Variants in TBCE observed in about 807,000 individuals in gnomAD.
TBCE encodes tubulin-specific chaperone E.
Under a neutral mutation model 77.0 loss-of-function variants are expected in TBCE, and 53 were observed. That is an observed-to-expected ratio of 0.69 (90% confidence interval 0.55 to 0.87). The LOEUF is 0.87. Among genes scored for constraint, TBCE ranks in the 40% least tolerant of loss-of-function variants. The pLI, the probability that TBCE is intolerant of heterozygous loss-of-function variation, is 0.00. For synonymous variants in TBCE, 235 were observed against 241.3 expected (o/e 0.97, Z 0.24); for missense variants, 624 against 622.4 (o/e 1.00, Z -0.03).
chr1:235,424,322 C>CTT (rs1160280902), intron 5 of TBCE, among the ~76,000 whole-genome samples: 41 of 123,734 alleles, frequency 3.3e-4, no homozygotes, highest in African/African-American at 4.5e-4. Flanking sequence ...TCTTAGAGCT[C>CTT]TTTTTTTTTT....
intron 2 of TBCE, among the ~76,000 whole-genome samples, chr1:235,395,496 C>T (rs551981251): frequency 1.8e-3 from 279 of 151,738 alleles, no homozygotes; most frequent in African/African-American, 4.3e-3. Context: ...CCACTCTCTC[C>T]CCCTGCCCAG....
In TBCE at chr1:235,450,515, A is replaced by G. The variant is rs1472053195; in HGVS notation, c.*1753A>G. ...GGGGTGGCACCTCCTGATTTGGGAA[A>G]GCACCAGGTCCCACAGTCCTGTGGC... On this transcript the variant is annotated 3_prime_UTR_variant, in exon 17 of 17. Transcript: ENST00000642610. 3 of 682,936 alleles carry G rather than the reference A, an allele frequency of 4.4e-6. No individual in the cohort carries two copies. The highest frequency in any genetic ancestry group is 3.6e-5 in the African/African-American group (2 of 55,532). The allele number at this position is 682,936 out of a possible 1,614,324, so 42.3% of individuals were successfully genotyped here. A position where few individuals can be genotyped will look rare whatever the true frequency, so the allele number is the denominator to read the frequency against.
intron 15 of TBCE, 149 bp from the exon 16 acceptor site, chr1:235,448,199 AG>A: frequency 1.4e-6 from 1 of 693,486 alleles, no homozygotes; most frequent in Admixed American, 2.3e-5. Context: ...GACTTACTTA[AG>A]TAAGTAAGTA....
At chr1:235,434,687 C>T (rs770682203) in intron 8 of TBCE, among the ~76,000 whole-genome samples, 1 of 151,942 alleles carries the variant, frequency 6.6e-6, no homozygotes, top group Non-Finnish European at 1.5e-5. Context: ...TAGGTGCCTG[C>T]CACCATGCCC....
rs769980322 is a variant in TBCE at position 235,419,635 on chromosome 1, G to A, written c.460+74G>A. The stretch of plus-strand genomic sequence containing the variant: ...ATACCTGTGCCAGAGACTGCTAATT[G>A]CCTACCCATTGTCCAGTCTTGACAA... On this transcript the variant is annotated intron_variant, in intron 5 of 16. Coordinates refer to ENST00000642610, the MANE Select transcript of TBCE (RefSeq NM_003193.5). 3.6e-5 allele frequency: 58 copies of A among 1,592,434 alleles called. 1 individual carries two copies. The highest frequency in any genetic ancestry group is 8.6e-6 in the Non-Finnish European group (10 of 1,166,106).
intron 2 of TBCE, among the ~76,000 whole-genome samples, chr1:235,382,376 C>G (rs1000137041): frequency 1.3e-5 from 2 of 152,082 alleles, no homozygotes; most frequent in Non-Finnish European, 2.9e-5. Flanking sequence ...TCTAGATCCC[C>G]AAGGAATCGC....
chr1:235,430,606 A>G, intron 6 of TBCE, 99 bp from the exon 7 acceptor site: 2 of 796,294 alleles, frequency 2.5e-6, no homozygotes, highest in Non-Finnish European at 4.1e-6. Flanking sequence ...AAACAAATCA[A>G]ACCCCTTAGA....
rs774474110 is a variant in TBCE, at chr1:235,401,507, C to T, written c.105C>T (p.Pro35=). 1.2e-6 allele frequency: 2 copies of T among 1,613,672 alleles called. No individual in the cohort carries two copies. Among genetic ancestry groups the T allele is most frequent in the Non-Finnish European group, 1.7e-6 (2 of 1,179,722 alleles). Residue 35 remains proline, a synonymous_variant, in exon 3 of 17, where the codon CCC becomes CCT. Transcript: ENST00000642610. Reference sequence around the variant, plus strand: ...TGGTTTTTCTTGTTCTGCTAGGACCCTGGTTAGGAGTAGAATGGGACAATC... The same window carrying T: ...TGGTTTTTCTTGTTCTGCTAGGACCTTGGTTAGGAGTAGAATGGGACAATC... The part of the protein sequence containing the change: ...FAGVVPPVAG[P]WLGVEWDNPE...
intron 3 of TBCE, among the ~76,000 whole-genome samples, chr1:235,409,420 A>G (rs1679646221): frequency 6.6e-6 from 1 of 152,146 alleles, no homozygotes; most frequent in African/African-American, 2.4e-5. Flanking sequence ...AGTGGAGTCT[A>G]TGTAAATTAT....
intron 13 of TBCE, 50 bp from the exon 14 acceptor site, chr1:235,441,764 C>T (rs764071956): frequency 6.5e-6 from 10 of 1,541,240 alleles, no homozygotes; most frequent in African/African-American, 1.4e-5. Context: ...TTTGTTTTTA[C>T]TTATAGTGGC....
intron 2 of TBCE, among the ~76,000 whole-genome samples, chr1:235,395,751 G>T (rs1037250750): frequency 1.3e-5 from 2 of 151,808 alleles, no homozygotes; most frequent in African/African-American, 2.4e-5. Context: ...TGCCATGTTG[G>T]CCAGGCTGCT....
intron 15 of TBCE, among the ~76,000 whole-genome samples, chr1:235,445,081 C>G (rs1682154443): frequency 6.6e-6 from 1 of 152,242 alleles, no homozygotes; most frequent in African/African-American, 2.4e-5. Flanking sequence ...GGGTAGCTAG[C>G]AGAGATTCGA....
At chr1:235,439,459 G>A (rs931239495) in intron 13 of TBCE, among the ~76,000 whole-genome samples, 3 of 151,516 alleles carry the variant, frequency 2.0e-5, no homozygotes, top group Admixed American at 1.3e-4. Context: ...TCACACCACT[G>A]TACTCCAGCC....
intron 2 of TBCE, among the ~76,000 whole-genome samples, chr1:235,401,130 C>G (rs1558361984): frequency 6.6e-6 from 1 of 151,826 alleles, no homozygotes. Flanking sequence ...ACCATCTGAA[C>G]CAGTTTTGAA....
chr1:235,438,618 A>G (rs774554889), intron 12 of TBCE, 151 bp from the exon 13 acceptor site: 43 of 848,190 alleles, frequency 5.1e-5, no homozygotes, highest in South Asian at 9.3e-5. Context: ...AGTTCTGTCA[A>G]TGTTAAAAAG....
intron 6 of TBCE, among the ~76,000 whole-genome samples, chr1:235,427,927 G>A (rs1018736233): frequency 6.6e-6 from 1 of 152,038 alleles, no homozygotes; most frequent in Admixed American, 6.6e-5. Flanking sequence ...CTACTCAGGA[G>A]GCTGAGACAA....
At chr1:235,435,169 C>A (rs769145048) in intron 8 of TBCE, among the ~76,000 whole-genome samples, 1 of 151,658 alleles carries the variant, frequency 6.6e-6, no homozygotes, top group East Asian at 1.9e-4. Flanking sequence ...GGCACCATCT[C>A]GGCTCACTGC....
intron 2 of TBCE, among the ~76,000 whole-genome samples, chr1:235,390,604 T>C (rs1678319056): frequency 6.6e-6 from 1 of 151,618 alleles, no homozygotes; most frequent in Non-Finnish European, 1.5e-5. Flanking sequence ...ATACAAAAAA[T>C]ACAAAAATTA....
chr1:235,437,228 A>C, intron 11 of TBCE, 94 bp from the exon 12 acceptor site: 1 of 1,498,764 alleles, frequency 6.7e-7, no homozygotes, highest in Non-Finnish European at 9.3e-7. Flanking sequence ...CTCAGATTAG[A>C]ACTAGGGACA....
Sources: allele counts gnomAD v4.1 joint callset (sites outside exome capture counted in the v4.1 genomes callset), GRCh38; gene constraint gnomAD v4.1.1; transcripts MANE v1.5; gene names NCBI Gene and HGNC (gene_info 2026-07-23, HGNC 2026-07-21).